Variants in ANKS1B observed in about 807,000 individuals in gnomAD.
ANKS1B encodes the protein ankyrin repeat and sterile alpha motif domain-containing protein 1B.
ANKS1B carries 36 observed loss-of-function variants against 148.3 expected under a neutral mutation model. The ratio of observed to expected loss-of-function variants is 0.24; its 90% CI spans 0.19 to 0.32. The LOEUF (loss-of-function observed/expected upper bound fraction) is 0.32, where lower values mean the gene tolerates loss of function less well. ANKS1B is among the 10% of genes least tolerant of loss of function. The pLI is 1.00. For synonymous variants in ANKS1B, 542 were observed against 560.8 expected, an observed-to-expected ratio of 0.97 and a Z score of 0.47; for missense variants, 1,157 against 1,542.6, an observed-to-expected ratio of 0.75 and a Z score of 4.19.
intron 12 of ANKS1B, among the ~76,000 whole-genome samples, chr12:99,260,922 T>C (rs1232219491): frequency 1.3e-5 from 2 of 152,200 alleles, no homozygotes; most frequent in Non-Finnish European, 2.9e-5. Context: ...TGTTGGTAAA[T>C]GACATATTCA....
chr12:99,581,718 G>A (rs1452298149), intron 9 of ANKS1B, among the ~76,000 whole-genome samples: 1 of 151,202 alleles, frequency 6.6e-6, no homozygotes. Context: ...GTGAAACCCC[G>A]TCTCTACTAA....
intron 12 of ANKS1B, among the ~76,000 whole-genome samples, chr12:99,331,104 T>G (rs2087452001): frequency 6.6e-6 from 1 of 152,060 alleles, no homozygotes; most frequent in Non-Finnish European, 1.5e-5. Context: ...AATTTTATTT[T>G]TATAAACTTT....
At chr12:98,864,883 C>T (rs950809612) in intron 17 of ANKS1B, among the ~76,000 whole-genome samples, 1 of 152,188 alleles carries the variant, frequency 6.6e-6, no homozygotes, top group South Asian at 2.1e-4. Context: ...TCTGTTACAT[C>T]CCTGCCATTT....
intron 9 of ANKS1B, among the ~76,000 whole-genome samples, chr12:99,619,761 T>C (rs554525667): frequency 6.6e-6 from 1 of 152,294 alleles, no homozygotes; most frequent in South Asian, 2.1e-4. Context: ...TGCAGAGAAC[T>C]TGGGGCTGAG....
chr12:99,003,993 G>A (rs900592321), intron 17 of ANKS1B, among the ~76,000 whole-genome samples: 1 of 152,190 alleles, frequency 6.6e-6, no homozygotes, highest in Non-Finnish European at 1.5e-5. Flanking sequence ...TTCTGGAAAG[G>A]CTTTGAATTC....
intron 1 of ANKS1B, among the ~76,000 whole-genome samples, chr12:99,902,899 C>T (rs1269538105): frequency 6.7e-6 from 1 of 148,440 alleles, no homozygotes; most frequent in East Asian, 1.9e-4. Context: ...TACAGGCATG[C>T]ACCACCACGC....
intron 15 of ANKS1B, among the ~76,000 whole-genome samples, chr12:99,139,557 G>A (rs1287737790): frequency 6.9e-6 from 1 of 145,136 alleles, no homozygotes; most frequent in African/African-American, 2.6e-5. Context: ...GGGATTACAG[G>A]TGCAAGCCAC....
chr12:99,316,782 T>C (rs1026732074), intron 12 of ANKS1B, among the ~76,000 whole-genome samples: 4 of 152,276 alleles, frequency 2.6e-5, no homozygotes, highest in African/African-American at 7.2e-5. Flanking sequence ...AGGTTTTCTT[T>C]AAGGGTTTTT....
chr12:98,915,256 G>A (rs1161418493), intron 17 of ANKS1B, among the ~76,000 whole-genome samples: 1 of 152,198 alleles, frequency 6.6e-6, no homozygotes, highest in African/African-American at 2.4e-5. Context: ...AAGATGTACA[G>A]GGAGAAGATG....
intron 9 of ANKS1B, among the ~76,000 whole-genome samples, chr12:99,550,539 G>A (rs1320809214): frequency 6.6e-6 from 1 of 151,676 alleles, no homozygotes; most frequent in Non-Finnish European, 1.5e-5. Context: ...CAGGAGAATC[G>A]CTTGAACCCG....
intron 17 of ANKS1B, among the ~76,000 whole-genome samples, chr12:99,011,228 G>T (rs2153411218): frequency 6.6e-6 from 1 of 152,254 alleles, no homozygotes; most frequent in South Asian, 2.1e-4. Flanking sequence ...AATGTATGTT[G>T]TTTGAAGCTG....
chr12:99,558,338 T>C (rs1228609368), intron 9 of ANKS1B, among the ~76,000 whole-genome samples: 1 of 152,148 alleles, frequency 6.6e-6, no homozygotes, highest in Non-Finnish European at 1.5e-5. Flanking sequence ...AGGAGCAGGA[T>C]AGCATAGTGT....
At position 98,751,573 on chromosome 12, in the gene ANKS1B, T is replaced by A; in HGVS notation, c.3580-51A>T. 1 of 1,570,428 alleles carries A rather than the reference T, an allele frequency of 6.4e-7. No individual in the cohort carries two copies. Among genetic ancestry groups the A allele is most frequent in the Non-Finnish European group, 8.7e-7 (1 of 1,146,090 alleles). ...GCTACTGGCACACTGCAAATTAGAA[T>A]GGGTCGAATGGCTGAGGAACACTGA... is the stretch of plus-strand genomic sequence containing the variant. On this transcript the variant is annotated intron_variant, in intron 25 of 26. Coordinates refer to ENST00000683438, the MANE Select transcript of ANKS1B (RefSeq NM_001352186.2). This position sits in a 1 kb window ranked among gnomAD's most constrained non-coding sequence, Gnocchi z 4.3.
At chr12:99,493,977 AGAG>A (rs1213593460) in intron 10 of ANKS1B, among the ~76,000 whole-genome samples, 1 of 152,178 alleles carries the variant, frequency 6.6e-6, no homozygotes, top group Non-Finnish European at 1.5e-5. Flanking sequence ...AAAAGAATAA[AGAG>A]GACTGTTTAC....
intron 12 of ANKS1B, among the ~76,000 whole-genome samples, chr12:99,284,493 A>C (rs1441266322): frequency 1.3e-5 from 2 of 152,224 alleles, no homozygotes; most frequent in Admixed American, 6.5e-5. Context: ...CCAAATCTAG[A>C]TTTTAACAAT....
intron 15 of ANKS1B, among the ~76,000 whole-genome samples, chr12:99,121,321 A>ATGTGTGTGTGTG (rs57560069): frequency 0.019 from 2,733 of 142,818 alleles, 40 homozygotes; most frequent in African/African-American, 0.023. Flanking sequence ...GTATGTAGGT[A>ATGTGTGTGTGTG]TGTGTGTGTG....
At chr12:99,058,928 G>A (rs1197263880) in intron 16 of ANKS1B, among the ~76,000 whole-genome samples, 2 of 150,560 alleles carry the variant, frequency 1.3e-5, no homozygotes, top group Non-Finnish European at 3.0e-5. Context: ...TAGTAGAGAC[G>A]GGGTTTCACC....
chr12:99,724,797 ACAGCAGACCTCT>A (rs2058455843), intron 8 of ANKS1B, among the ~76,000 whole-genome samples: 1 of 152,232 alleles, frequency 6.6e-6, no homozygotes, highest in Admixed American at 6.5e-5. Flanking sequence ...CATCAGACTA[ACAGCAGACCTCT>A]CAGCAGAAAC....
chr12:98,774,271 TCTGA>T (rs2098643673), intron 24 of ANKS1B, among the ~76,000 whole-genome samples: 1 of 152,226 alleles, frequency 6.6e-6, no homozygotes. Context: ...TTTGGGGTTG[TCTGA>T]CTGTGGAGCT....
Sources: allele counts gnomAD v4.1 joint callset (sites outside exome capture counted in the v4.1 genomes callset), GRCh38; gene constraint gnomAD v4.1.1; non-coding constraint Gnocchi (gnomAD v3.1); transcripts MANE v1.5; gene names NCBI Gene and HGNC (gene_info 2026-07-23, HGNC 2026-07-21).